The following MAPK14 variants were observed in gnomAD, a reference collection of about 807,000 sequenced individuals.
The protein encoded by MAPK14 is mitogen-activated protein kinase 14.
In MAPK14, 16 loss-of-function variants were observed where a neutral mutation model predicts 49.6. The observed-to-expected ratio is 0.32, with a 90% CI of 0.22 to 0.49. The LOEUF is 0.49. MAPK14 is among the 20% of genes least tolerant of loss of function. The probability of loss-of-function intolerance (pLI) is 0.99; values close to 1 mark genes in which losing one functional copy is unlikely to be tolerated. For synonymous variants in MAPK14, 142 were observed against 158.0 expected (o/e 0.90, Z 0.76); for missense variants, 200 against 441.2 (o/e 0.45, Z 4.90).
chr6:36,089,168 T>C (rs1357108021), intron 8 of MAPK14, among the ~76,000 whole-genome samples: 1 of 152,170 alleles, frequency 6.6e-6, no homozygotes, highest in Non-Finnish European at 1.5e-5. Context: ...TGCCCATCAG[T>C]GATGGACTGG....
chr6:36,123,288 A>G, the MAPK14 span, among the ~76,000 whole-genome samples: 1 of 151,890 alleles, frequency 6.6e-6, no homozygotes, highest in South Asian at 2.1e-4. Context: ...CAGGTTGTAC[A>G]CTCTGGTTCT....
chr6:36,044,381 T>G (rs976362583), intron 1 of MAPK14, among the ~76,000 whole-genome samples: 1 of 152,218 alleles, frequency 6.6e-6, no homozygotes, highest in Non-Finnish European at 1.5e-5. Context: ...AAAATCATGG[T>G]GCAGTCGTTT....
chr6:36,104,968 G>A (rs745924684), intron 10 of MAPK14, among the ~76,000 whole-genome samples: 1 of 152,166 alleles, frequency 6.6e-6, no homozygotes, highest in Non-Finnish European at 1.5e-5. Flanking sequence ...TGGTCCATCT[G>A]GTGCTCAGCA....
At chr6:36,063,686 G>GA (rs1562119892) in intron 3 of MAPK14, among the ~76,000 whole-genome samples, 1 of 152,188 alleles carries the variant, frequency 6.6e-6, no homozygotes, top group Non-Finnish European at 1.5e-5. Flanking sequence ...ATACCTTTGA[G>GA]AAAGGAACAA....
At chr6:36,117,200 C>T in the MAPK14 span, among the ~76,000 whole-genome samples, 8 of 152,182 alleles carry the variant, frequency 5.3e-5, no homozygotes, top group Non-Finnish European at 8.8e-5. Context: ...GATAGAAATG[C>T]ACCTCCAGGC....
At chr6:36,032,457 C>G (rs935590273) in intron 1 of MAPK14, among the ~76,000 whole-genome samples, 1 of 152,082 alleles carries the variant, frequency 6.6e-6, no homozygotes, top group Non-Finnish European at 1.5e-5. Flanking sequence ...GGTTTTGGGA[C>G]AGAAGGGGAG....
At chr6:36,078,855 T>C (rs1764633738) in intron 8 of MAPK14, among the ~76,000 whole-genome samples, 1 of 152,238 alleles carries the variant, frequency 6.6e-6, no homozygotes, top group South Asian at 2.1e-4. Context: ...TTTCCCATTA[T>C]CTTTTCCTGC....
At chr6:36,104,084 A>G (rs907878433) in intron 10 of MAPK14, among the ~76,000 whole-genome samples, 1 of 152,326 alleles carries the variant, frequency 6.6e-6, no homozygotes, top group African/African-American at 2.4e-5. Context: ...GATAATTCTT[A>G]TAATAGCAGA....
At chr6:36,045,137 A>G (rs944433504) in intron 1 of MAPK14, among the ~76,000 whole-genome samples, 1 of 152,090 alleles carries the variant, frequency 6.6e-6, no homozygotes, top group Admixed American at 6.5e-5. Context: ...TAAAGAAAAA[A>G]AAAAAAAGCA....
intron 1 of MAPK14, among the ~76,000 whole-genome samples, chr6:36,050,541 A>G (rs1166292200): frequency 3.9e-5 from 6 of 152,164 alleles, no homozygotes; most frequent in African/African-American, 1.4e-4. Context: ...GTTCACCTGG[A>G]TGTTGAAGTT....
intron 3 of MAPK14, among the ~76,000 whole-genome samples, chr6:36,071,890 A>G (rs745707587): frequency 2.5e-4 from 38 of 152,172 alleles, no homozygotes; most frequent in Admixed American, 1.4e-3. Flanking sequence ...TTTTTTGTAG[A>G]GATGGGGTTT....
chr6:36,119,510 C>G, the MAPK14 span, among the ~76,000 whole-genome samples: 30 of 152,276 alleles, frequency 2.0e-4, no homozygotes, highest in Admixed American at 9.2e-4. Context: ...GGGAACAAAC[C>G]TCAAACACCA....
At chr6:36,105,477 C>T (rs951614883) in intron 10 of MAPK14, among the ~76,000 whole-genome samples, 1 of 152,088 alleles carries the variant, frequency 6.6e-6, no homozygotes, top group Non-Finnish European at 1.5e-5. Flanking sequence ...CCTTTTTACC[C>T]TAAGGGTAAC....
intron 11 of MAPK14, among the ~76,000 whole-genome samples, chr6:36,108,064 A>G (rs943228565): frequency 1.3e-5 from 2 of 152,250 alleles, no homozygotes; most frequent in Admixed American, 6.5e-5. Context: ...AACTCTAGTT[A>G]AATCCCAAGA....
At position 36,106,580 on chromosome 6, in the gene MAPK14, T is replaced by C. The variant is rs566992413; in HGVS notation, c.842-875T>C. Among the ~76,000 whole-genome samples the C allele has an allele frequency of 3.3e-5, 5 of 152,340 alleles. No homozygotes were observed. The South Asian group carries it at 1.0e-3, about 32-fold the overall frequency. ...ACAGTATTATGATTATATAGGAAGA[T>C]GTCTTCGTGTTGAAATATTTGGGGA... On this transcript the variant is annotated intron_variant, in intron 10 of 11. Transcript: ENST00000229794.
chr6:36,070,162 C>T (rs851012), intron 3 of MAPK14, among the ~76,000 whole-genome samples: 133,838 of 152,258 alleles, frequency 0.88, 58,959 homozygotes, highest in East Asian at 1. Context: ...TTGAGAATTA[C>T]TAAGGAAATT....
At chr6:36,095,594 T>A (rs1765414253) in intron 8 of MAPK14, among the ~76,000 whole-genome samples, 1 of 152,212 alleles carries the variant, frequency 6.6e-6, no homozygotes, top group Admixed American at 6.5e-5. Context: ...CAGTGCACTT[T>A]GCTGAACTGG....
At chr6:36,073,661 A>G (rs768172805) in intron 4 of MAPK14, 30 bp from the exon 5 acceptor site, 1 of 1,587,184 alleles carries the variant, frequency 6.3e-7, no homozygotes, top group Non-Finnish European at 8.6e-7. Context: ...AGAAGGTTGG[A>G]GGTAACTTTG....
chr6:36,092,269 G>T, intron 8 of MAPK14: 1 of 579,800 alleles, frequency 1.7e-6, no homozygotes. Flanking sequence ...GACCACTGGA[G>T]AACATTCAGC....
Sources: allele counts gnomAD v4.1 joint callset (sites outside exome capture counted in the v4.1 genomes callset), GRCh38; gene constraint gnomAD v4.1.1; transcripts MANE v1.5; gene names NCBI Gene and HGNC (gene_info 2026-07-23, HGNC 2026-07-21).